Variants in GPALPP1 observed in about 807,000 individuals in gnomAD.
GPALPP1 encodes GPALPP motifs-containing protein 1.
In GPALPP1, 30 loss-of-function variants were observed where a neutral mutation model predicts 38.9. The observed-to-expected ratio is 0.77, with a 90% CI of 0.58 to 1.05. The LOEUF (loss-of-function observed/expected upper bound fraction) is 1.05. Ranked by LOEUF, GPALPP1 falls within the 50% of genes least tolerant of loss-of-function variation. The pLI is 0.00. For synonymous variants in GPALPP1, 120 were observed against 139.2 expected (o/e 0.86, Z 0.97); for missense variants, 384 against 408.8 (o/e 0.94, Z 0.52).
At chr13:45,022,254 G>T (rs1025895410) in intron 7 of GPALPP1, among the ~76,000 whole-genome samples, 3 of 151,988 alleles carry the variant, frequency 2.0e-5, no homozygotes, top group Admixed American at 1.3e-4. Flanking sequence ...ATGCATCTAT[G>T]GTGGGAAAAA....
intron 4 of GPALPP1, among the ~76,000 whole-genome samples, chr13:45,010,468 A>G (rs1874390877): frequency 1.3e-5 from 2 of 152,132 alleles, no homozygotes; most frequent in South Asian, 4.1e-4. Context: ...GTGGCTCCAT[A>G]ATAACAGAGA....
intron 6 of GPALPP1, among the ~76,000 whole-genome samples, chr13:45,018,351 T>C (rs531460964): frequency 1.3e-5 from 2 of 151,616 alleles, no homozygotes; most frequent in African/African-American, 2.4e-5. Flanking sequence ...GAGCCGAGAT[T>C]GTGCCACTGC....
intron 1 of GPALPP1, among the ~76,000 whole-genome samples, chr13:44,996,810 C>CTTTTTTT (rs1566072232): frequency 4.6e-5 from 4 of 86,412 alleles, no homozygotes; most frequent in Admixed American, 1.7e-4. Context: ...TTTTTTTTTT[C>CTTTTTTT]CAGTTTTTAA....
intron 1 of GPALPP1, among the ~76,000 whole-genome samples, chr13:44,990,695 T>G (rs773681818): frequency 2.6e-4 from 39 of 152,266 alleles, no homozygotes; most frequent in Non-Finnish European, 4.7e-4. Flanking sequence ...AGAGTAACCC[T>G]GCCATTTCTG....
intron 7 of GPALPP1, among the ~76,000 whole-genome samples, chr13:45,027,465 GAC>G (rs1315460212): frequency 6.6e-6 from 1 of 152,168 alleles, no homozygotes; most frequent in East Asian, 1.9e-4. Context: ...GCTTCAGCCT[GAC>G]AGTGCCTTTC....
At position 45,019,017 on chromosome 13, in the gene GPALPP1, ACAC is replaced by A. The variant is rs371794904; in HGVS notation, c.706-1312_706-1310del. 3.6e-4 allele frequency among the ~76,000 whole-genome samples: 5 copies of A among 13,800 alleles called. No homozygotes were observed. The South Asian group carries it at 9.7e-3, about 27-fold the overall frequency. 9.1% of individuals were successfully genotyped at this position (13,800 alleles called of 152,430 possible). On this transcript the variant is annotated intron_variant, in intron 6 of 7. Coordinates refer to ENST00000379151, the MANE Select transcript of GPALPP1 (RefSeq NM_018559.5). ...AATATATATACATATAAATATATAT[ACAC>A]ATATAAATATATACATAGAAATATA...
intron 7 of GPALPP1, among the ~76,000 whole-genome samples, chr13:45,025,593 C>A (rs896414585): frequency 1.3e-5 from 2 of 152,090 alleles, no homozygotes; most frequent in African/African-American, 4.8e-5. Context: ...CTCCCTCCCT[C>A]CCTCAAAAAT....
intron 1 of GPALPP1, chr13:45,002,452 G>T (rs1035675234): frequency 6.6e-6 from 1 of 152,212 alleles, no homozygotes; most frequent in African/African-American, 2.4e-5. Context: ...GCCTCTTAGG[G>T]AAAGGGAACA....
chr13:45,025,607 G>T (rs2138016496), intron 7 of GPALPP1, among the ~76,000 whole-genome samples: 1 of 151,932 alleles, frequency 6.6e-6, no homozygotes, highest in African/African-American at 2.4e-5. Flanking sequence ...CAAAAATTTA[G>T]AAATTATTAT....
downstream of GPALPP1, chr13:45,034,746 T>TA (rs1242543894): frequency 6.7e-6 from 1 of 148,346 alleles, no homozygotes; most frequent in Non-Finnish European, 1.5e-5. Flanking sequence ...TTTTTTATTT[T>TA]TTTTTTTTGA....
intron 4 of GPALPP1, among the ~76,000 whole-genome samples, chr13:45,013,819 A>G (rs1344031976): frequency 6.6e-6 from 1 of 152,178 alleles, no homozygotes; most frequent in Admixed American, 6.5e-5. Context: ...CCCAAAGTAT[A>G]AACTGGTAAG....
chr13:45,018,661 C>T (rs1875055681), intron 6 of GPALPP1, among the ~76,000 whole-genome samples: 1 of 151,454 alleles, frequency 6.6e-6, no homozygotes, highest in Non-Finnish European at 1.5e-5. Context: ...TGTTTTAGTC[C>T]ATGAGGCCTC....
chr13:45,001,386 C>T (rs1873661879), intron 1 of GPALPP1, among the ~76,000 whole-genome samples: 1 of 152,186 alleles, frequency 6.6e-6, no homozygotes, highest in South Asian at 2.1e-4. Flanking sequence ...AACGGACTTA[C>T]ACACCCTATA....
chr13:45,019,111 A>C (rs1272119786), intron 6 of GPALPP1, among the ~76,000 whole-genome samples: 2 of 135,670 alleles, frequency 1.5e-5, no homozygotes, highest in African/African-American at 2.8e-5. Flanking sequence ...ATATATATTT[A>C]TATGTATATA....
At chr13:45,019,367 C>T (rs866655734) in intron 6 of GPALPP1, among the ~76,000 whole-genome samples, 1 of 151,498 alleles carries the variant, frequency 6.6e-6, no homozygotes, top group Non-Finnish European at 1.5e-5. Context: ...AGGGTGGTCT[C>T]GAACTCCTGA....
rs889458652 is a variant in GPALPP1 at position 45,015,045 on chromosome 13, G to C, written c.502G>C (p.Ala168Pro). The change falls in exon 5 of 8, where the codon GCC becomes CCC. Residue 168 changes from alanine (A) to proline (P), a missense_variant. By Grantham distance (27) the Ala-to-Pro change is conservative (BLOSUM62 -1). Coordinates refer to ENST00000379151, the MANE Select transcript of GPALPP1 (RefSeq NM_018559.5). ...YNVTTEFEKRAQRMKEKLTKG... is the reference protein window; with the variant it reads ...YNVTTEFEKRPQRMKEKLTKG... The stretch of plus-strand genomic sequence containing the variant: ...TGTAACGACAGAGTTTGAAAAAAGG[G>C]CCCAGAGAATGAAAGAAAAACTGAC... 1.1e-5 allele frequency: 17 copies of C among 1,609,028 alleles called. No individual in the cohort carries two copies. The highest frequency in any genetic ancestry group is 1.4e-5 in the Non-Finnish European group (17 of 1,176,320).
chr13:45,014,550 T>C (rs1874696709), intron 4 of GPALPP1, among the ~76,000 whole-genome samples: 1 of 152,160 alleles, frequency 6.6e-6, no homozygotes, highest in South Asian at 2.1e-4. Context: ...TCAAATGAGG[T>C]ATATGACAAA....
exon 8 of GPALPP1, chr13:45,036,636 G>A (rs922456352): frequency 2.0e-5 from 3 of 152,104 alleles, no homozygotes; most frequent in Non-Finnish European, 4.4e-5. Context: ...ATAACAGTAG[G>A]TAAAAGAATG....
Position 45,015,106 on chromosome 13 carries a change from G to C in GPALPP1, c.540+23G>C, listed in dbSNP as rs1874751897. 4.8e-6 allele frequency: 7 copies of C among 1,450,454 alleles called. No homozygotes were observed. In the East Asian group the frequency reaches 1.6e-4, roughly 33 times the overall value. The allele number at this position is 1,450,454 out of a possible 1,614,324, so 89.8% of individuals were successfully genotyped here. ...GATGTAAGTTTTAAAAACACTTTAA[G>C]AAATACACTAAATAGATTAAAAATC... On this transcript the variant is annotated intron_variant, in intron 5 of 7. Coordinates refer to ENST00000379151, the MANE Select transcript of GPALPP1 (RefSeq NM_018559.5).
Sources: gnomAD v4.1 joint callset for allele counts (sites outside exome capture counted in the v4.1 genomes callset) on GRCh38, gnomAD v4.1.1 for gene constraint, MANE v1.5 for transcripts, NCBI Gene and HGNC (gene_info 2026-07-23, HGNC 2026-07-21) for gene names.